Variants in FOXP2 observed in about 807,000 individuals in gnomAD.
The protein encoded by FOXP2 is forkhead box P2.
In FOXP2, 12 loss-of-function variants were observed where a neutral mutation model predicts 115.8. The observed-to-expected ratio is 0.10, with a 90% confidence interval of 0.07 to 0.17. The LOEUF (loss-of-function observed/expected upper bound fraction) is 0.17, where lower values mean the gene tolerates loss of function less well. Among genes scored for constraint, FOXP2 ranks in the 10% least tolerant of loss-of-function variants. The pLI is 1.00. For synonymous variants in FOXP2, 328 were observed against 297.7 expected (o/e 1.10, Z -1.05); for missense variants, 629 against 843.5 (o/e 0.75, Z 3.15).
At chr7:114,392,094 A>G (rs116988056) in intron 2 of FOXP2, among the ~76,000 whole-genome samples, 11,326 of 152,286 alleles carry the variant, frequency 0.074, 445 homozygotes, top group Middle Eastern at 0.15. Flanking sequence ...GAATCTCACA[A>G]TGCCCAAGAA....
chr7:114,283,103 G>A (rs1796380740), intron 1 of FOXP2, among the ~76,000 whole-genome samples: 2 of 152,046 alleles, frequency 1.3e-5, no homozygotes, highest in African/African-American at 4.8e-5. Context: ...GACAGAATTT[G>A]GTTGTTGATT....
intron 1 of FOXP2, among the ~76,000 whole-genome samples, chr7:114,267,849 C>T (rs1795934929): frequency 6.6e-6 from 1 of 151,352 alleles, no homozygotes; most frequent in Non-Finnish European, 1.5e-5. Context: ...GGTTCAATGT[C>T]ATTAAGCACA....
intron 2 of FOXP2, among the ~76,000 whole-genome samples, chr7:114,293,410 C>T (rs539504951): frequency 6.6e-6 from 1 of 152,274 alleles, no homozygotes; most frequent in South Asian, 2.1e-4. Context: ...AGCCCTTTAG[C>T]AAACAGCCAG....
intron 1 of FOXP2, among the ~76,000 whole-genome samples, chr7:114,118,591 G>A (rs1375924610): frequency 6.6e-6 from 1 of 151,798 alleles, no homozygotes; most frequent in Admixed American, 6.6e-5. Context: ...TTTAGTAGAA[G>A]TTCATGTAGC....
chr7:114,690,095 C>A lies in FOXP2; in HGVS notation c.*169C>A. ...CCAGCCCTTTGGGATTCAGTACCAA[C>A]AGGCAAATTGCTTGTTTTCTTCTTC... On this transcript the variant is annotated 3_prime_UTR_variant, in exon 17 of 17. Coordinates refer to ENST00000350908, the MANE Select transcript of FOXP2 (RefSeq NM_014491.4). The A allele has an allele frequency of 1.4e-6, 1 of 729,340 alleles. No individual in the cohort carries two copies. The highest frequency in any genetic ancestry group is 2.4e-6 in the Non-Finnish European group (1 of 418,010). 45.2% of individuals were successfully genotyped at this position (729,340 alleles called of 1,614,324 possible).
intron 2 of FOXP2, 36 bp from the exon 3 acceptor site, chr7:114,534,581 C>A (rs779277961): frequency 1.1e-5 from 18 of 1,570,978 alleles, no homozygotes; most frequent in Admixed American, 1.7e-5. Context: ...TAACTTTCAA[C>A]AAAATATTTA....
At chr7:114,238,956 A>G (rs59397516) in intron 1 of FOXP2, among the ~76,000 whole-genome samples, 13,224 of 149,354 alleles carry the variant, frequency 0.089, 966 homozygotes, top group African/African-American at 0.2. Context: ...TTATAAATAT[A>G]AAAATAATGG....
intron 2 of FOXP2, among the ~76,000 whole-genome samples, chr7:114,458,596 G>A (rs1669993139): frequency 1.5e-5 from 2 of 136,340 alleles, no homozygotes; most frequent in Non-Finnish European, 3.0e-5. Flanking sequence ...GGCCCAGGCT[G>A]GAGTGCAGTG....
chr7:114,172,907 A>G (rs1793185128), intron 1 of FOXP2, among the ~76,000 whole-genome samples: 2 of 152,124 alleles, frequency 1.3e-5, no homozygotes, highest in South Asian at 4.1e-4. Context: ...GTTACAAAGC[A>G]GTGTATTTTA....
intron 2 of FOXP2, among the ~76,000 whole-genome samples, chr7:114,526,542 T>G (rs1352179048): frequency 6.6e-6 from 1 of 151,978 alleles, no homozygotes; most frequent in East Asian, 1.9e-4. Context: ...TCTTTTATTT[T>G]AGTCTTCACA....
At chr7:114,311,418 G>T (rs1797144457) in intron 2 of FOXP2, among the ~76,000 whole-genome samples, 1 of 152,172 alleles carries the variant, frequency 6.6e-6, no homozygotes, top group Non-Finnish European at 1.5e-5. Flanking sequence ...TTGTGGATTG[G>T]TGAAAGTGGT....
At chr7:114,398,402 T>C (rs902478789) in intron 2 of FOXP2, among the ~76,000 whole-genome samples, 5 of 152,090 alleles carry the variant, frequency 3.3e-5, no homozygotes, top group African/African-American at 9.7e-5. Context: ...TGGGAAGATA[T>C]TTGCAAAAAA....
intron 3 of FOXP2, among the ~76,000 whole-genome samples, chr7:114,566,179 T>A (rs1172051984): frequency 6.6e-6 from 1 of 152,154 alleles, no homozygotes; most frequent in Admixed American, 6.6e-5. Context: ...CAACCATTTG[T>A]TTTTGTTATT....
intron 2 of FOXP2, among the ~76,000 whole-genome samples, chr7:114,435,269 T>C (rs1794290001): frequency 6.6e-6 from 1 of 152,138 alleles, no homozygotes; most frequent in Non-Finnish European, 1.5e-5. Context: ...TCAGTCTAAA[T>C]TGTCAAGAAA....
At chr7:114,297,066 C>A in intron 2 of FOXP2, 1 of 361,388 alleles carries the variant, frequency 2.8e-6, no homozygotes, top group Non-Finnish European at 5.4e-6. Context: ...TTTTTTTTTT[C>A]CTGTCAAGCT....
intron 7 of FOXP2, among the ~76,000 whole-genome samples, 189 bp downstream of exon 7, chr7:114,642,812 A>ATATCTATAT (rs1308357594): frequency 1.4e-5 from 1 of 72,438 alleles, no homozygotes; most frequent in African/African-American, 7.1e-5. Context: ...ATATATATAT[A>ATATCTATAT]TTTTTTTTTT....
chr7:114,212,034 T>C (rs912543711), intron 1 of FOXP2, among the ~76,000 whole-genome samples: 1 of 150,272 alleles, frequency 6.7e-6, no homozygotes, highest in African/African-American at 2.4e-5. Context: ...GATCGTGTCA[T>C]CTCCAGCCTG....
At chr7:114,586,438 T>C (rs1802133882) in intron 3 of FOXP2, among the ~76,000 whole-genome samples, 1 of 152,092 alleles carries the variant, frequency 6.6e-6, no homozygotes, top group South Asian at 2.1e-4. Flanking sequence ...TAAGGTTCCA[T>C]TTATAAATAC....
At chr7:114,358,163 T>C (rs1791659591) in intron 2 of FOXP2, among the ~76,000 whole-genome samples, 1 of 152,154 alleles carries the variant, frequency 6.6e-6, no homozygotes, top group Non-Finnish European at 1.5e-5. Context: ...CAAGACATGA[T>C]GACTTTATTA....
Sources: allele counts gnomAD v4.1 joint callset (sites outside exome capture counted in the v4.1 genomes callset), GRCh38; gene constraint gnomAD v4.1.1; transcripts MANE v1.5; gene names NCBI Gene and HGNC (gene_info 2026-07-23, HGNC 2026-07-21).